The following EYS variants were observed in gnomAD, a reference collection of about 807,000 sequenced individuals.
EYS encodes the protein protein eyes shut homolog.
EYS carries 250 observed loss-of-function variants against 282.1 expected under a neutral mutation model. The ratio of observed to expected loss-of-function variants is 0.89; its 90% CI spans 0.80 to 0.98. The LOEUF (loss-of-function observed/expected upper bound fraction) is 0.98. EYS is among the 50% of genes least tolerant of loss of function. The pLI is 0.00. For synonymous variants in EYS, 1,355 were observed against 1,282.9 expected, an observed-to-expected ratio of 1.06 and a Z score of -1.20; for missense variants, 4,016 against 3,709.0, an observed-to-expected ratio of 1.08 and a Z score of -2.15.
chr6:64,265,912 A>G (rs1343359002), intron 30 of EYS, among the ~76,000 whole-genome samples: 2 of 152,104 alleles, frequency 1.3e-5, no homozygotes, highest in South Asian at 4.1e-4. Flanking sequence ...TCTTTGCTCT[A>G]GGTTTTTTGC....
At chr6:63,765,253 T>C (rs1769757534) in intron 40 of EYS, among the ~76,000 whole-genome samples, 1 of 152,066 alleles carries the variant, frequency 6.6e-6, no homozygotes, top group East Asian at 1.9e-4. Flanking sequence ...TTTGACCTCA[T>C]GGACTTCTGT....
intron 5 of EYS, 62 bp from the exon 6 acceptor site, chr6:65,405,429 T>G: frequency 7.0e-4 from 785 of 1,114,570 alleles, no homozygotes; most frequent in Non-Finnish European, 9.6e-4. Context: ...GAAATGAGCA[T>G]AGATATGTAG....
chr6:64,953,047 G>T (rs978478582), intron 14 of EYS, among the ~76,000 whole-genome samples: 3 of 151,738 alleles, frequency 2.0e-5, no homozygotes, highest in East Asian at 1.9e-4. Context: ...ACAAGAAAAA[G>T]ACTTTTTTAA....
At chr6:65,514,412 CT>C (rs529118820) in intron 2 of EYS, among the ~76,000 whole-genome samples, 1 of 152,114 alleles carries the variant, frequency 6.6e-6, no homozygotes, top group Non-Finnish European at 1.5e-5. Flanking sequence ...CTACCAATGA[CT>C]TTTTTCACAG....
chr6:65,260,203 C>T (rs1355709430), intron 12 of EYS, among the ~76,000 whole-genome samples: 1 of 151,994 alleles, frequency 6.6e-6, no homozygotes, highest in Non-Finnish European at 1.5e-5. Flanking sequence ...TGAGAACTCA[C>T]TCACTATCAG....
chr6:65,330,127 A>G, intron 11 of EYS: 1 of 981,910 alleles, frequency 1.0e-6, no homozygotes, highest in Non-Finnish European at 1.2e-6. Flanking sequence ...TTCACTTTCT[A>G]AATGAAACAG....
chr6:65,070,982 T>C (rs1279458449), intron 12 of EYS, among the ~76,000 whole-genome samples: 1 of 151,936 alleles, frequency 6.6e-6, no homozygotes, highest in African/African-American at 2.4e-5. Flanking sequence ...CATACATTTG[T>C]CACTTTTTTA....
intron 26 of EYS, among the ~76,000 whole-genome samples, chr6:64,546,322 T>G (rs1391645902): frequency 1.3e-5 from 2 of 152,158 alleles, no homozygotes; most frequent in Non-Finnish European, 2.9e-5. Flanking sequence ...TAGCCATATG[T>G]AGAAAGCTGA....
intron 22 of EYS, among the ~76,000 whole-genome samples, chr6:64,788,537 C>G (rs1298282547): frequency 6.6e-6 from 1 of 152,058 alleles, no homozygotes; most frequent in African/African-American, 2.4e-5. Flanking sequence ...TTGCGTGAGA[C>G]GTGGTAGAGG....
At chr6:63,767,570 A>T (rs771859701) in intron 40 of EYS, among the ~76,000 whole-genome samples, 46 of 152,256 alleles carry the variant, frequency 3.0e-4, no homozygotes, top group Admixed American at 5.9e-4. Flanking sequence ...CTGATAAAGG[A>T]AATCAGAGAT....
intron 12 of EYS, among the ~76,000 whole-genome samples, chr6:65,284,529 A>C (rs924086242): frequency 5.9e-5 from 9 of 152,114 alleles, no homozygotes; most frequent in Admixed American, 5.9e-4. Context: ...CTATATAATG[A>C]GAACCCACCT....
In EYS at chr6:65,138,762, G is replaced by A. The variant is rs73766207; in HGVS notation, c.2024-81035C>T. On this transcript the variant is annotated intron_variant, in intron 12 of 42. Transcript: ENST00000503581. Reference sequence around the variant, plus strand: ...AAAGCAATGTTGCAAGACAGAAAACGTTAAAATAACTGACCTGCTCTAGCC... The same window carrying A: ...AAAGCAATGTTGCAAGACAGAAAACATTAAAATAACTGACCTGCTCTAGCC... Among the ~76,000 whole-genome samples, 1,436 of 152,072 alleles carry A rather than the reference G, an allele frequency of 9.4e-3. 15 individuals are homozygous for A. Among genetic ancestry groups the A allele is most frequent in the African/African-American group, 0.032 (1,339 of 41,516 alleles).
intron 2 of EYS, among the ~76,000 whole-genome samples, chr6:65,518,907 T>A (rs1767240635): frequency 6.6e-6 from 1 of 151,944 alleles, no homozygotes; most frequent in Admixed American, 6.6e-5. Context: ...TTCAATTACC[T>A]CCCACCAGGT....
chr6:65,233,580 A>G (rs1365710514), intron 12 of EYS, among the ~76,000 whole-genome samples: 1 of 152,018 alleles, frequency 6.6e-6, no homozygotes, highest in Non-Finnish European at 1.5e-5. Context: ...TGTGGCTTGG[A>G]GGCTGCAATC....
intron 30 of EYS, among the ~76,000 whole-genome samples, chr6:64,296,567 TATATATATATATATATACATA>T (rs1769008995): frequency 1.5e-4 from 1 of 6,782 alleles, no homozygotes; most frequent in African/African-American, 7.1e-4. Flanking sequence ...TATATATATA[TATATATATATATATATACATA>T]TATATATATA....
Position 63,726,390 on chromosome 6 carries a change from C to T in EYS, c.8233+129G>A. On this transcript the variant is annotated intron_variant, in intron 42 of 42. Transcript: ENST00000503581. Reference sequence around the variant, plus strand: ...TTCTAAATTCATACGCATACACTTGCAGTGACAATAGAACATAAAAGCATC... The same window carrying T: ...TTCTAAATTCATACGCATACACTTGTAGTGACAATAGAACATAAAAGCATC... 2 of 764,538 alleles carry T rather than the reference C, an allele frequency of 2.6e-6. 1 individual carries two copies. Among genetic ancestry groups the T allele is most frequent in the South Asian group, 4.5e-5 (2 of 44,246 alleles). 47.4% of individuals were successfully genotyped at this position (764,538 alleles called of 1,614,324 possible). A position where few individuals can be genotyped will look rare whatever the true frequency, so the allele number is the denominator to read the frequency against.
intron 12 of EYS, among the ~76,000 whole-genome samples, chr6:65,060,851 A>G (rs749758400): frequency 6.6e-5 from 10 of 150,662 alleles, no homozygotes; most frequent in Non-Finnish European, 1.0e-4. Flanking sequence ...TGCTTATGAA[A>G]ATATTTTCTA....
intron 1 of EYS, among the ~76,000 whole-genome samples, chr6:65,648,314 ATGTGTGTGTGTGTGTGTG>A (rs58196369): frequency 6.8e-6 from 1 of 147,792 alleles, no homozygotes; most frequent in African/African-American, 2.5e-5. Flanking sequence ...AAGAAAATAT[ATGTGTGTGTGTGTGTGTG>A]TGTGTGTGTG....
intron 1 of EYS, among the ~76,000 whole-genome samples, chr6:65,677,915 A>G (rs1470230337): frequency 6.6e-6 from 1 of 152,054 alleles, no homozygotes; most frequent in East Asian, 1.9e-4. Context: ...GATCTTCAAC[A>G]ATACACAATG....
Sources: allele counts gnomAD v4.1 joint callset (sites outside exome capture counted in the v4.1 genomes callset), GRCh38; gene constraint gnomAD v4.1.1; transcripts MANE v1.5; gene names NCBI Gene and HGNC (gene_info 2026-07-23, HGNC 2026-07-21).